Variants in IKZF4 observed in about 807,000 individuals in gnomAD.
The protein encoded by IKZF4 is IKAROS family zinc finger 4.
In IKZF4, 11 loss-of-function variants were observed where a neutral mutation model predicts 47.7. The ratio of observed to expected loss-of-function variants is 0.23; its 90% CI spans 0.15 to 0.38. The LOEUF is 0.38. Among genes scored for constraint, IKZF4 ranks in the 10% least tolerant of loss-of-function variants. The pLI is 1.00. For synonymous variants in IKZF4, 298 were observed against 299.4 expected (o/e 1.00, Z 0.05); for missense variants, 557 against 784.9 (o/e 0.71, Z 3.47).
intron 1 of IKZF4, among the ~76,000 whole-genome samples, chr12:56,022,569 A>C (rs1230200377): frequency 6.6e-6 from 1 of 152,194 alleles, no homozygotes; most frequent in African/African-American, 2.4e-5. Flanking sequence ...GCTAGAATTC[A>C]AAATCCTTGG....
chr12:56,030,284 A>C (rs1445014912), intron 5 of IKZF4, among the ~76,000 whole-genome samples: 3 of 151,874 alleles, frequency 2.0e-5, no homozygotes. Flanking sequence ...AAAAACAAAA[A>C]CTAGGTGTGG....
At chr12:56,033,420 C>T (rs1181445290) in intron 7 of IKZF4, 99 bp downstream of exon 7, 8 of 1,496,216 alleles carry the variant, frequency 5.3e-6, no homozygotes, top group Non-Finnish European at 6.4e-6. Flanking sequence ...AGAAAGCAGT[C>T]TGGTGGGCTG....
intron 5 of IKZF4, among the ~76,000 whole-genome samples, chr12:56,029,447 G>A (rs1483812183): frequency 1.3e-5 from 2 of 152,196 alleles, no homozygotes; most frequent in South Asian, 2.1e-4. Context: ...AAGGAAGGGG[G>A]AAAGAATTAG....
At position 56,027,060 on chromosome 12, in the gene IKZF4, C is replaced by A; in HGVS notation, c.547+19C>A. 1 of 1,483,364 alleles carries A rather than the reference C, an allele frequency of 6.7e-7. No homozygotes were observed. Among genetic ancestry groups the A allele is most frequent in the Admixed American group, 2.3e-5 (1 of 42,640 alleles). 91.9% of individuals were successfully genotyped at this position (1,483,364 alleles called of 1,614,324 possible). A position where few individuals can be genotyped will look rare whatever the true frequency, so the allele number is the denominator to read the frequency against. On this transcript the variant is annotated intron_variant, in intron 4 of 7. Transcript: ENST00000547167. ...CACACTGGTAAGTAAGCCAGAGGGGCTCTGGGAGGAGCTCCCAGGGTGGGG... is the reference window on the plus strand; with the variant it reads ...CACACTGGTAAGTAAGCCAGAGGGGATCTGGGAGGAGCTCCCAGGGTGGGG...
At position 56,027,826 on chromosome 12, in the gene IKZF4, G is replaced by A. The variant is rs375011476; in HGVS notation, c.594G>A (p.Gln198=). ...ACCAGTGTGGTGCCTCCTTCACCCAGAAGGGGAACCTGCTGCGCCACATCA... is the reference window on the plus strand; with the variant it reads ...ACCAGTGTGGTGCCTCCTTCACCCAAAAGGGGAACCTGCTGCGCCACATCA... The part of the protein sequence containing the change: ...HCNQCGASFT[Q]KGNLLRHIKL... The change falls in exon 5 of 8, where the codon CAG becomes CAA. Residue 198 remains glutamine, a synonymous_variant. Transcript: ENST00000547167. 6.2e-6 allele frequency: 10 copies of A among 1,613,402 alleles called. No homozygotes were observed. The highest frequency in any genetic ancestry group is 8.5e-6 in the Non-Finnish European group (10 of 1,179,670).
chr12:56,017,265 GCGTGGTAGAGTA>G (rs1892237522), upstream of IKZF4, among the ~76,000 whole-genome samples: 2 of 112,298 alleles, frequency 1.8e-5, no homozygotes, highest in South Asian at 6.0e-4. Flanking sequence ...TTTAAAATAA[GCGTGGTAGAGTA>G]ATTGATGAGA....
chr12:56,010,720 T>C (rs188140910), intron 1 of IKZF4: 17 of 152,298 alleles, frequency 1.1e-4, no homozygotes, highest in African/African-American at 4.1e-4. Flanking sequence ...CTAATTCTGT[T>C]GTTAATGAGA....
intron 2 of IKZF4, among the ~76,000 whole-genome samples, chr12:56,014,075 C>T (rs998657398): frequency 6.6e-6 from 1 of 150,804 alleles, no homozygotes; most frequent in Non-Finnish European, 1.5e-5. Flanking sequence ...CACTTGAACC[C>T]GGGATGCAGA....
Position 56,032,603 on chromosome 12 carries a change from G to A in IKZF4, c.758G>A (p.Cys253Tyr). The change falls in exon 6 of 8, where the codon TGT (cysteine) becomes TAT (tyrosine). Residue 253 changes from cysteine (C) to tyrosine (Y), a missense_variant. Coordinates refer to ENST00000547167, the MANE Select transcript of IKZF4 (RefSeq NM_022465.4). ...GGCAAGCCCTACAAGTGTAACTACT[G>A]TGGCCGGAGCTACAAACAGCAGAGT... ...TVGKPYKCNY[C>Y]GRSYKQQSTL... 6.2e-7 allele frequency: 1 copy of A among 1,613,966 alleles called. No homozygotes were observed. The highest frequency in any genetic ancestry group is 8.5e-7 in the Non-Finnish European group (1 of 1,179,870).
Position 56,035,356 on chromosome 12 carries a change from C to T in IKZF4, c.*25C>T, listed in dbSNP as rs775678133. On this transcript the variant is annotated 3_prime_UTR_variant, in exon 8 of 8. Coordinates refer to ENST00000547167, the MANE Select transcript of IKZF4 (RefSeq NM_022465.4). This position sits in a 1 kb window ranked among gnomAD's most constrained non-coding sequence, Gnocchi z 6.1. ...GCAACCTCTCCCTCTCTCCTCAGTC[C>T]ACCACTCCACTGCCCTGACTACAGG... is the stretch of plus-strand genomic sequence containing the variant. 12 of 1,586,626 alleles carry T rather than the reference C, an allele frequency of 7.6e-6. No individual in the cohort carries two copies. The highest frequency in any genetic ancestry group is 5.4e-5 in the African/African-American group (4 of 74,614).
upstream of IKZF4, among the ~76,000 whole-genome samples, chr12:56,017,231 C>T (rs1236723927): frequency 3.1e-5 from 4 of 128,906 alleles, no homozygotes; most frequent in South Asian, 3.1e-4. Context: ...ACTCCCCCCC[C>T]GCCCCCCCCG....
chr12:56,029,602 T>C (rs1470784391), intron 5 of IKZF4: 2 of 152,234 alleles, frequency 1.3e-5, no homozygotes, highest in African/African-American at 2.4e-5. Flanking sequence ...CACCTTGTAA[T>C]TGGGACCTCT....
rs2136745402 is a variant in IKZF4, at chr12:56,038,114, A to C, written c.*2783A>C. The stretch of plus-strand genomic sequence containing the variant: ...CAGAAGTTATGAAGAACAAAAAGAA[A>C]AAATAAACACAGAAGCAAGTGCAAT... On this transcript the variant is annotated 3_prime_UTR_variant, in exon 8 of 8. Coordinates refer to ENST00000547167, the MANE Select transcript of IKZF4 (RefSeq NM_022465.4). 6.6e-6 allele frequency: 1 copy of C among 151,522 alleles called. No individual in the cohort carries two copies. The highest frequency in any genetic ancestry group is 1.5e-5 in the Non-Finnish European group (1 of 67,788). The allele number at this position is 151,522 out of a possible 1,614,324, so 9.4% of individuals were successfully genotyped here.
chr12:56,024,510 A>C (rs912460249), intron 2 of IKZF4, among the ~76,000 whole-genome samples: 1 of 152,230 alleles, frequency 6.6e-6, no homozygotes, highest in African/African-American at 2.4e-5. Flanking sequence ...TACTTCATAT[A>C]GTTGTTGTGA....
At chr12:56,022,924 C>G (rs914520821) in intron 1 of IKZF4, among the ~76,000 whole-genome samples, 23 of 151,860 alleles carry the variant, frequency 1.5e-4, no homozygotes, top group African/African-American at 5.6e-4. Context: ...CTCAGCCTCC[C>G]GAGTAGCTGG....
rs1895630594 is a variant in IKZF4, at chr12:56,036,342, T to C, written c.*1011T>C. ...CTCCACCTCTCAAACTTCTTCACTA[T>C]AGTGACCTTCCTAGGCTCTCAGGGG... On this transcript the variant is annotated 3_prime_UTR_variant, in exon 8 of 8. Transcript: ENST00000547167. The C allele has an allele frequency of 6.6e-6, 1 of 152,536 alleles. No individual in the cohort carries two copies. The highest frequency in any genetic ancestry group is 6.6e-5 in the Admixed American group (1 of 15,264). The allele number at this position is 152,536 out of a possible 1,614,324, so 9.4% of individuals were successfully genotyped here.
In IKZF4 at chr12:56,026,862, A is replaced by G; in HGVS notation, c.368A>G (p.Asp123Gly). The G allele has an allele frequency of 6.2e-7, 1 of 1,613,282 alleles. No homozygotes were observed. The highest frequency in any genetic ancestry group is 8.5e-7 in the Non-Finnish European group (1 of 1,179,650). ...LGPDERLLEK[D>G]DSVIVEDSLS... ...CCAGATGAGCGGCTCCTGGAAAAGG[A>G]CGACAGCGTGATTGTGGAAGATTCA... The change falls in exon 4 of 8, where the codon GAC (aspartate) becomes GGC (glycine). Residue 123 changes from aspartate (D) to glycine (G), a missense_variant. Transcript: ENST00000547167.
At chr12:56,018,529 A>G (rs1892434740), upstream of IKZF4, among the ~76,000 whole-genome samples, 1 of 152,166 alleles carries the variant, frequency 6.6e-6, no homozygotes, top group East Asian at 1.9e-4. Context: ...CTATCCAGAT[A>G]GAGCGGCACA....
intron 5 of IKZF4, among the ~76,000 whole-genome samples, chr12:56,030,149 C>T (rs1175960236): frequency 6.6e-6 from 1 of 152,166 alleles, no homozygotes; most frequent in Admixed American, 6.5e-5. Context: ...GGTGCAGTGG[C>T]TCACGTCTAT....
Sources: gnomAD v4.1 joint callset for allele counts (sites outside exome capture counted in the v4.1 genomes callset) on GRCh38, gnomAD v4.1.1 for gene constraint, Gnocchi (gnomAD v3.1) non-coding constraint, MANE v1.5 for transcripts, NCBI Gene and HGNC (gene_info 2026-07-23, HGNC 2026-07-21) for gene names.